The following SLC38A11 variants were observed in gnomAD, a reference collection of about 807,000 sequenced individuals.
SLC38A11 encodes the protein putative sodium-coupled neutral amino acid transporter 11.
Under a neutral mutation model 49.4 loss-of-function variants are expected in SLC38A11, and 51 were observed. That is an observed-to-expected ratio of 1.03 (90% CI 0.83 to 1.30). The LOEUF is 1.30. SLC38A11 is among the 50% of genes most tolerant of loss of function. The pLI, the probability that SLC38A11 is intolerant of heterozygous loss-of-function variation, is 0.00. For missense variants in SLC38A11, 574 were observed against 556.2 expected (o/e 1.03, Z -0.32); for synonymous variants, 203 against 192.9 (o/e 1.05, Z -0.43).
chr2:164,943,866 A>AT (rs558083717), intron 5 of SLC38A11, among the ~76,000 whole-genome samples: 60 of 151,494 alleles, frequency 4.0e-4, no homozygotes, highest in South Asian at 2.1e-4. Flanking sequence ...TTGGTTTTTT[A>AT]TTTTTTTTGA....
intron 7 of SLC38A11, among the ~76,000 whole-genome samples, chr2:164,922,739 A>G (rs183439262): frequency 1.4e-3 from 218 of 152,304 alleles, no homozygotes; most frequent in Admixed American, 2.5e-3. Flanking sequence ...TGAAATTCGT[A>G]TGGAATGAGA....
At chr2:164,921,747 A>G (rs1573931533) in intron 7 of SLC38A11, among the ~76,000 whole-genome samples, 1 of 152,230 alleles carries the variant, frequency 6.6e-6, no homozygotes, top group Admixed American at 6.5e-5. Flanking sequence ...ATCTAGGCAA[A>G]TAATGGTTAC....
chr2:164,918,733 G>C (rs1427151116), intron 7 of SLC38A11, among the ~76,000 whole-genome samples: 1 of 152,160 alleles, frequency 6.6e-6, no homozygotes, highest in Non-Finnish European at 1.5e-5. Flanking sequence ...GAAAATAAGA[G>C]TATTCAGCAA....
At chr2:164,916,134 A>G (rs1452983107) in intron 7 of SLC38A11, among the ~76,000 whole-genome samples, 161 bp from the exon 8 acceptor site, 16 of 152,148 alleles carry the variant, frequency 1.1e-4, no homozygotes, top group Admixed American at 1.0e-3. Flanking sequence ...TAAATTTCCC[A>G]GGAGCATGAG....
rs1319655338 is a variant in SLC38A11 at position 164,920,963 on chromosome 2, C to T, written c.618-4990G>A. ...TAACAAAAATGATCAAATTCAAAAGCTAAACTGGACATCCAGATAAACACA... is the reference window on the plus strand; with the variant it reads ...TAACAAAAATGATCAAATTCAAAAGTTAAACTGGACATCCAGATAAACACA... On this transcript the variant is annotated intron_variant, in intron 7 of 11. Coordinates refer to ENST00000685975, the MANE Select transcript of SLC38A11 (RefSeq NM_001351537.2). 3.3e-5 allele frequency among the ~76,000 whole-genome samples: 5 copies of T among 151,608 alleles called. No individual in the cohort carries two copies. In the East Asian group the frequency reaches 9.7e-4, roughly 29 times the overall value.
intron 10 of SLC38A11, among the ~76,000 whole-genome samples, chr2:164,910,024 G>T (rs1337557216): frequency 6.6e-6 from 1 of 152,062 alleles, no homozygotes; most frequent in Non-Finnish European, 1.5e-5. Flanking sequence ...AGAGATATTT[G>T]TTAAGGGTAG....
intron 3 of SLC38A11, among the ~76,000 whole-genome samples, chr2:164,948,532 G>T (rs1180178966): frequency 6.6e-6 from 1 of 152,104 alleles, no homozygotes; most frequent in Non-Finnish European, 1.5e-5. Flanking sequence ...TAGTAGTCTG[G>T]CCTCAGAATC....
chr2:164,942,265 A>G (rs1223911816), intron 5 of SLC38A11, among the ~76,000 whole-genome samples: 5 of 151,964 alleles, frequency 3.3e-5, no homozygotes, highest in Admixed American at 2.0e-4. Context: ...CCTGGACAAC[A>G]TAGCAAAACC....
chr2:164,913,846 A>G (rs2105460459), intron 9 of SLC38A11, among the ~76,000 whole-genome samples: 1 of 152,178 alleles, frequency 6.6e-6, no homozygotes, highest in Non-Finnish European at 1.5e-5. Context: ...ACAGGCATGT[A>G]TTATATTTTT....
intron 11 of SLC38A11, among the ~76,000 whole-genome samples, chr2:164,905,936 ATATAAG>A (rs1281668153): frequency 3.9e-5 from 6 of 152,186 alleles, no homozygotes; most frequent in African/African-American, 1.2e-4. Context: ...ACAGTTTTCA[ATATAAG>A]TATAATAGAG....
chr2:164,905,496 A>G (rs939762014), intron 11 of SLC38A11, among the ~76,000 whole-genome samples: 5 of 152,234 alleles, frequency 3.3e-5, no homozygotes, highest in African/African-American at 1.2e-4. Context: ...TGCATGATCC[A>G]GCGTGTATTA....
chr2:164,946,839 T>A (rs73017822), intron 3 of SLC38A11, among the ~76,000 whole-genome samples: 9,638 of 152,120 alleles, frequency 0.063, 1,009 homozygotes, highest in African/African-American at 0.22. Flanking sequence ...TTCCCCCTGA[T>A]TCCCATATCA....
intron 5 of SLC38A11, among the ~76,000 whole-genome samples, chr2:164,940,983 C>T (rs1025763086): frequency 1.3e-5 from 2 of 151,788 alleles, no homozygotes; most frequent in African/African-American, 2.4e-5. Flanking sequence ...TCTATTTACC[C>T]TTTAAACGTT....
intron 7 of SLC38A11, among the ~76,000 whole-genome samples, chr2:164,919,523 G>C (rs189254173): frequency 6.6e-6 from 1 of 152,234 alleles, no homozygotes; most frequent in East Asian, 1.9e-4. Flanking sequence ...GCTGGAAGAT[G>C]ACATTGGTCA....
intron 8 of SLC38A11, chr2:164,915,510 A>C (rs717339): frequency 0.42 from 183,402 of 441,654 alleles, 39,094 homozygotes; most frequent in South Asian, 0.56. Flanking sequence ...CCAGTCCAAC[A>C]TTCTCTCTCA....
At position 164,915,247 on chromosome 2, in the gene SLC38A11, A is replaced by T; in HGVS notation, c.715T>A (p.Leu239Ile). The T allele has an allele frequency of 6.2e-7, 1 of 1,608,306 alleles. No homozygotes were observed. Among genetic ancestry groups the T allele is most frequent in the Non-Finnish European group, 8.5e-7 (1 of 1,177,566 alleles). ...GGTTCTTCTAGAGAACTGTAAACTA[A>T]GAAGGAGTTATGGTGGCAAATAAAT... ...FAFICHHNSF[L>I]VYSSLEEPTV... The change falls in exon 9 of 12, where the codon TTA becomes ATA. Residue 239 changes from leucine to isoleucine, a missense_variant. Physicochemically the swap from Leu to Ile is conservative, Grantham distance 5 (BLOSUM62 2). Transcript: ENST00000685975.
chr2:164,924,835 C>T lies in SLC38A11; in HGVS notation c.618-8862G>A, dbSNP rs561606658. Among the ~76,000 whole-genome samples the T allele has an allele frequency of 2.6e-5, 4 of 152,056 alleles. No homozygotes were observed. In the East Asian group the frequency reaches 5.8e-4, roughly 22 times the overall value. On this transcript the variant is annotated intron_variant, in intron 7 of 11. Transcript: ENST00000685975. ...CTGCAAGCTCTGCCTCCTGGGTTCA[C>T]GCCATTCTCCTGCCTCAGCCTCCCG...
At chr2:164,938,371 T>C (rs993801750) in intron 6 of SLC38A11, among the ~76,000 whole-genome samples, 2 of 152,138 alleles carry the variant, frequency 1.3e-5, no homozygotes, top group African/African-American at 4.8e-5. Context: ...GCTTTGCTCA[T>C]GGAGTGATTT....
At chr2:164,934,586 C>G (rs894651203) in intron 7 of SLC38A11, among the ~76,000 whole-genome samples, 1 of 152,070 alleles carries the variant, frequency 6.6e-6, no homozygotes, top group Admixed American at 6.6e-5. Flanking sequence ...ACTGTTCTCC[C>G]GTGGTGCAAC....
Sources: allele counts gnomAD v4.1 joint callset (sites outside exome capture counted in the v4.1 genomes callset), GRCh38; gene constraint gnomAD v4.1.1; transcripts MANE v1.5; gene names NCBI Gene and HGNC (gene_info 2026-07-23, HGNC 2026-07-21).